Variants in CUX1 observed in about 807,000 individuals in gnomAD.
CUX1 encodes cut like homeobox 1.
CUX1 carries 31 observed loss-of-function variants against 158.8 expected under a neutral mutation model. That is an observed-to-expected ratio of 0.20 (90% confidence interval 0.15 to 0.26). CUX1 has a LOEUF of 0.26. Among genes scored for constraint, CUX1 ranks in the 10% least tolerant of loss-of-function variants. CUX1 has a pLI of 1.00. For synonymous variants in CUX1, 879 were observed against 862.1 expected (o/e 1.02, Z -0.34); for missense variants, 1,589 against 2,014.6 (o/e 0.79, Z 4.04).
chr7:101,900,022 G>A (rs1225907278), intron 1 of CUX1, among the ~76,000 whole-genome samples: 2 of 152,208 alleles, frequency 1.3e-5, no homozygotes, highest in East Asian at 3.9e-4. Context: ...CAGAGTCTAA[G>A]TTAAAGAGCC....
intron 5 of CUX1, among the ~76,000 whole-genome samples, chr7:102,097,714 G>A (rs560538069): frequency 6.9e-6 from 1 of 145,972 alleles, no homozygotes; most frequent in East Asian, 1.9e-4. Flanking sequence ...CAACAACGAC[G>A]TAAGATTTTA....
chr7:101,860,674 TTCCTG>T (rs1266249775), intron 1 of CUX1, among the ~76,000 whole-genome samples: 13 of 152,120 alleles, frequency 8.5e-5, no homozygotes, highest in South Asian at 8.3e-4. Flanking sequence ...TTTCCTCCCT[TTCCTG>T]TCCTGTCCTG....
intron 8 of CUX1, among the ~76,000 whole-genome samples, chr7:102,132,026 A>T (rs1015752577): frequency 1.3e-5 from 2 of 152,074 alleles, no homozygotes; most frequent in Non-Finnish European, 2.9e-5. Context: ...AAACACTAGG[A>T]GCAATTTTAG....
At chr7:102,245,314 G>A (rs1249829674) in intron 23 of CUX1, among the ~76,000 whole-genome samples, 1 of 152,164 alleles carries the variant, frequency 6.6e-6, no homozygotes, top group Non-Finnish European at 1.5e-5. Context: ...AAAGCCCTGG[G>A]ATTATAGGCA....
intron 2 of CUX1, among the ~76,000 whole-genome samples, chr7:101,967,295 G>T (rs920844501): frequency 1.3e-5 from 2 of 152,202 alleles, no homozygotes; most frequent in African/African-American, 4.8e-5. Context: ...GATTACAGGC[G>T]TGAGCCACCG....
rs370509635 is a variant in CUX1 at position 101,957,009 on chromosome 7, T to C, written c.141+40784T>C. Among the ~76,000 whole-genome samples the C allele has an allele frequency of 2.6e-5, 4 of 152,288 alleles. No individual in the cohort carries two copies. The East Asian group carries it at 5.8e-4, about 22-fold the overall frequency. On this transcript the variant is annotated intron_variant, in intron 2 of 23. Coordinates refer to ENST00000292535, the MANE Select transcript of CUX1 (RefSeq NM_181552.4). ...AACAATAATGTTAATTATAGTGTTA[T>C]TGATATACTAAAAACAGGTGGGAGG...
chr7:102,202,924 C>T (rs1795596198), intron 18 of CUX1, among the ~76,000 whole-genome samples: 1 of 152,114 alleles, frequency 6.6e-6, no homozygotes, highest in Non-Finnish European at 1.5e-5. Flanking sequence ...GAGGGTTAAC[C>T]GTGCCTGCCA....
chr7:101,902,496 T>G (rs1271599266), intron 1 of CUX1, among the ~76,000 whole-genome samples: 1 of 152,218 alleles, frequency 6.6e-6, no homozygotes, highest in Non-Finnish European at 1.5e-5. Flanking sequence ...AAATTTAACT[T>G]AGATGAAATG....
intron 20 of CUX1, among the ~76,000 whole-genome samples, chr7:102,217,370 G>T (rs550261077): frequency 6.6e-6 from 1 of 152,386 alleles, no homozygotes; most frequent in South Asian, 2.1e-4. Context: ...TCCCCGGCAG[G>T]TCCCCTCCCC....
intron 20 of CUX1, among the ~76,000 whole-genome samples, chr7:102,225,280 G>T (rs1798232413): frequency 6.6e-6 from 1 of 152,200 alleles, no homozygotes; most frequent in Non-Finnish European, 1.5e-5. Context: ...GCCGGTTCAG[G>T]ACGATAAACG....
Position 101,847,458 on chromosome 7 carries a change from G to A in CUX1, c.30+29789G>A, listed in dbSNP as rs1016309370. ...GGACGGCAGACAGCACATCTGATTT[G>A]GAATTTTTGTTCCAGCACTTCTTAG... is the stretch of plus-strand genomic sequence containing the variant. On this transcript the variant is annotated intron_variant, in intron 1 of 23. Coordinates refer to ENST00000292535, the MANE Select transcript of CUX1 (RefSeq NM_181552.4). Among the ~76,000 whole-genome samples the A allele has an allele frequency of 5.3e-5, 8 of 152,150 alleles. No homozygotes were observed. In the East Asian group the frequency reaches 1.6e-3, roughly 30 times the overall value.
intron 3 of CUX1, among the ~76,000 whole-genome samples, chr7:102,054,169 C>A (rs11979916): frequency 0.14 from 21,907 of 152,068 alleles, 1,654 homozygotes; most frequent in Middle Eastern, 0.22. Flanking sequence ...TGATGAAATC[C>A]AATTTGTCGA....
intron 11 of CUX1, chr7:102,186,806 G>A (rs1793675530): frequency 1.3e-5 from 2 of 152,226 alleles, no homozygotes; most frequent in Non-Finnish European, 2.9e-5. Context: ...GCCGAGGCGA[G>A]TGGATCACTT....
chr7:102,089,218 C>A (rs1244897442), intron 4 of CUX1, among the ~76,000 whole-genome samples: 3 of 152,090 alleles, frequency 2.0e-5, no homozygotes, highest in African/African-American at 7.2e-5. Flanking sequence ...GTATTGTATT[C>A]ATATTTTTCT....
intron 22 of CUX1, among the ~76,000 whole-genome samples, chr7:102,234,975 G>A (rs534369162): frequency 1.3e-5 from 2 of 151,894 alleles, no homozygotes; most frequent in Non-Finnish European, 2.9e-5. Context: ...AGAGAGGTTC[G>A]GTGCCTCCAC....
intron 8 of CUX1, among the ~76,000 whole-genome samples, chr7:102,127,579 G>GT (rs112702274): frequency 0.27 from 35,944 of 134,654 alleles, 4,818 homozygotes; most frequent in African/African-American, 0.38. Context: ...TTTTGTTTTT[G>GT]TTTTTTTTTT....
intron 1 of CUX1, among the ~76,000 whole-genome samples, chr7:101,881,732 G>A (rs1350347247): frequency 2.6e-5 from 4 of 152,114 alleles, no homozygotes; most frequent in East Asian, 1.9e-4. Flanking sequence ...TTCTCCTGCC[G>A]AGAAAAAGGG....
At chr7:101,950,465 A>G (rs1808929922) in intron 2 of CUX1, among the ~76,000 whole-genome samples, 1 of 152,160 alleles carries the variant, frequency 6.6e-6, no homozygotes, top group Admixed American at 6.5e-5. Flanking sequence ...TTACCATTTT[A>G]GTTATTTTGA....
chr7:102,012,497 T>C (rs1002991134), intron 2 of CUX1, among the ~76,000 whole-genome samples: 2 of 152,156 alleles, frequency 1.3e-5, no homozygotes, highest in Non-Finnish European at 2.9e-5. Flanking sequence ...CTTCAGTAGC[T>C]TTTAAAGGTT....
Sources: gnomAD v4.1 joint callset for allele counts (sites outside exome capture counted in the v4.1 genomes callset) on GRCh38, gnomAD v4.1.1 for gene constraint, MANE v1.5 for transcripts, NCBI Gene and HGNC (gene_info 2026-07-23, HGNC 2026-07-21) for gene names.